The following JAG1 variants were observed in gnomAD, a reference collection of about 807,000 sequenced individuals.
JAG1 encodes protein jagged-1.
JAG1 carries 23 observed loss-of-function variants against 148.7 expected under a neutral mutation model. The observed-to-expected ratio is 0.15, with a 90% CI of 0.11 to 0.22. The LOEUF (loss-of-function observed/expected upper bound fraction) is 0.22, where lower values mean the gene tolerates loss of function less well. Ranked by LOEUF, JAG1 falls within the 10% of genes least tolerant of loss-of-function variation. JAG1 has a pLI of 1.00. For synonymous variants in JAG1, 572 were observed against 598.3 expected (o/e 0.96, Z 0.64); for missense variants, 1,054 against 1,611.2 (o/e 0.65, Z 5.92).
rs1416017068 is a variant in JAG1, at chr20:10,658,409, GT to G, written c.694+58del. 2.5e-6 allele frequency: 4 copies of G among 1,605,054 alleles called. No individual in the cohort carries two copies. In the African/African-American group the frequency reaches 5.3e-5, roughly 21 times the overall value. ...CGCATGCCACCTGCCTGCTGGTGGG[GT>G]GATAAATGGACACTAAAAGCAACAG... On this transcript the variant is annotated intron_variant, in intron 4 of 25. Coordinates refer to ENST00000254958, the MANE Select transcript of JAG1 (RefSeq NM_000214.3).
At chr20:10,643,158 T>C (rs780229304) in intron 20 of JAG1, among the ~76,000 whole-genome samples, 6 of 152,204 alleles carry the variant, frequency 3.9e-5, no homozygotes, top group Non-Finnish European at 8.8e-5. Flanking sequence ...AATCCCAGAC[T>C]TGGATTTCAA....
chr20:10,667,727 G>A (rs1295393282), intron 2 of JAG1, among the ~76,000 whole-genome samples: 1 of 151,982 alleles, frequency 6.6e-6, no homozygotes, highest in Non-Finnish European at 1.5e-5. Flanking sequence ...CTCACCAAGG[G>A]GCCCCAAAGC....
rs2067303899 is a variant in JAG1, at chr20:10,645,640, G to A, written c.2000-171C>T. 2 of 680,854 alleles carry A rather than the reference G, an allele frequency of 2.9e-6. No homozygotes were observed. The highest frequency in any genetic ancestry group is 5.4e-5 in the East Asian group (2 of 36,900). 42.2% of individuals were successfully genotyped at this position (680,854 alleles called of 1,614,324 possible). A position where few individuals can be genotyped will look rare whatever the true frequency, so the allele number is the denominator to read the frequency against. On this transcript the variant is annotated intron_variant, in intron 15 of 25. Coordinates refer to ENST00000254958, the MANE Select transcript of JAG1 (RefSeq NM_000214.3). The surrounding 1 kb of genome is among the most constrained non-coding windows in gnomAD (Gnocchi z 6.1). ...TCCAGGAATAAAGGAGCTCCCAACT[G>A]GGTTACTTTGAATGCCACAAGTTAG... is the stretch of plus-strand genomic sequence containing the variant.
intron 4 of JAG1, among the ~76,000 whole-genome samples, chr20:10,656,872 TAAAAA>T (rs33952645): frequency 1.5e-4 from 17 of 113,366 alleles, no homozygotes; most frequent in African/African-American, 4.5e-4. Context: ...CCTCAGCCTT[TAAAAA>T]AAAAAAAAAA....
At chr20:10,661,268 C>T (rs532533047) in intron 3 of JAG1, among the ~76,000 whole-genome samples, 2 of 152,236 alleles carry the variant, frequency 1.3e-5, no homozygotes, top group Admixed American at 1.3e-4. Flanking sequence ...ATTCTCTGCC[C>T]TAAAACTCAG....
intron 3 of JAG1, chr20:10,662,063 G>A (rs999450944): frequency 5.9e-5 from 9 of 152,164 alleles, no homozygotes; most frequent in African/African-American, 2.2e-4. Flanking sequence ...AAGATTCCTT[G>A]GAAGCATCAT....
intron 20 of JAG1, 98 bp from the exon 21 acceptor site, chr20:10,642,699 T>A: frequency 1.3e-6 from 1 of 780,176 alleles, no homozygotes; most frequent in Non-Finnish European, 2.3e-6. Flanking sequence ...CATATCATCA[T>A]AAGCTTGATG....
chr20:10,653,691 G>C (rs2067361061), intron 5 of JAG1, among the ~76,000 whole-genome samples: 1 of 152,070 alleles, frequency 6.6e-6, no homozygotes, highest in Non-Finnish European at 1.5e-5. Flanking sequence ...TGTAACTCTG[G>C]AAAACAACCC....
intron 2 of JAG1, among the ~76,000 whole-genome samples, chr20:10,672,047 CG>C (rs2067499310): frequency 6.6e-6 from 1 of 151,824 alleles, no homozygotes; most frequent in Non-Finnish European, 1.5e-5. Context: ...CACTCGGGGG[CG>C]GGGGCAGGAA....
intron 5 of JAG1, among the ~76,000 whole-genome samples, chr20:10,652,901 A>T (rs1465533734): frequency 6.6e-6 from 1 of 152,084 alleles, no homozygotes; most frequent in Non-Finnish European, 1.5e-5. Flanking sequence ...GAAGGCATGG[A>T]ATAAATCAAC....
chr20:10,646,562 G>A (rs1451437403), intron 14 of JAG1, among the ~76,000 whole-genome samples: 1 of 152,154 alleles, frequency 6.6e-6, no homozygotes, highest in African/African-American at 2.4e-5. Context: ...CAGCACTTTG[G>A]GAGGCCAAGT....
chr20:10,655,132 T>C (rs1489801288), intron 5 of JAG1, among the ~76,000 whole-genome samples: 1 of 152,184 alleles, frequency 6.6e-6, no homozygotes, highest in African/African-American at 2.4e-5. Flanking sequence ...AAGAGACAAT[T>C]CGGGACAACC....
intron 2 of JAG1, among the ~76,000 whole-genome samples, chr20:10,669,666 C>T (rs1268160959): frequency 1.3e-5 from 2 of 148,600 alleles, no homozygotes; most frequent in East Asian, 4.0e-4. Flanking sequence ...CCAATTTCTT[C>T]CCCTAACGTT....
At chr20:10,663,063 A>G (rs913086278) in intron 3 of JAG1, among the ~76,000 whole-genome samples, 2 of 150,496 alleles carry the variant, frequency 1.3e-5, no homozygotes, top group African/African-American at 4.9e-5. Flanking sequence ...AAAGATGAAA[A>G]TATATTATTC....
intron 2 of JAG1, among the ~76,000 whole-genome samples, chr20:10,667,687 G>C (rs1022587366): frequency 1.3e-5 from 2 of 152,002 alleles, no homozygotes; most frequent in Non-Finnish European, 2.9e-5. Context: ...GTTACAAAGG[G>C]TGATTTTCTC....
intron 23 of JAG1, 55 bp from the exon 24 acceptor site, chr20:10,641,299 G>A: frequency 6.2e-7 from 1 of 1,603,778 alleles, no homozygotes. Context: ...AAGAACAAAA[G>A]GCTGAGATGT....
In JAG1 at chr20:10,658,461, C is replaced by T. The variant is rs2067392957; in HGVS notation, c.694+7G>A. 6.2e-7 allele frequency: 1 copy of T among 1,613,652 alleles called. No individual in the cohort carries two copies. Among genetic ancestry groups the T allele is most frequent in the Non-Finnish European group, 8.5e-7 (1 of 1,180,056 alleles). Reference sequence around the variant, plus strand: ...GCACACGTGCACATGCACACACACACACATACCTCTGTTACATTCGGGGCC... The same window carrying T: ...GCACACGTGCACATGCACACACACATACATACCTCTGTTACATTCGGGGCC... On this transcript the variant is annotated splice_region_variant and intron_variant, in intron 4 of 25. Transcript: ENST00000254958.
At chr20:10,648,411 G>A in intron 12 of JAG1, 138 bp downstream of exon 12, 1 of 789,104 alleles carries the variant, frequency 1.3e-6, no homozygotes, top group Non-Finnish European at 2.2e-6. Context: ...TTGTCTAGCA[G>A]AGACTCTCTC....
chr20:10,644,983 T>C lies in JAG1; in HGVS notation c.2228-4A>G. On this transcript the variant is annotated splice_region_variant and splice_polypyrimidine_tract_variant and intron_variant, in intron 17 of 25. Coordinates refer to ENST00000254958, the MANE Select transcript of JAG1 (RefSeq NM_000214.3). Reference sequence around the variant, plus strand: ...GGCAGGCAGCTACTGTTTCGGGCTATAAAAGAAGAGCAGACACGACCACCC... The same window carrying C: ...GGCAGGCAGCTACTGTTTCGGGCTACAAAAGAAGAGCAGACACGACCACCC... 6.2e-7 allele frequency: 1 copy of C among 1,611,742 alleles called. No individual in the cohort carries two copies. The highest frequency in any genetic ancestry group is 8.5e-7 in the Non-Finnish European group (1 of 1,178,020).
Sources: gnomAD v4.1 joint callset for allele counts (sites outside exome capture counted in the v4.1 genomes callset) on GRCh38, gnomAD v4.1.1 for gene constraint, Gnocchi (gnomAD v3.1) non-coding constraint, MANE v1.5 for transcripts, NCBI Gene and HGNC (gene_info 2026-07-23, HGNC 2026-07-21) for gene names.